Variants in HMGCLL1 observed in about 807,000 individuals in gnomAD.
The protein encoded by HMGCLL1 is 3-hydroxymethyl-3-methylglutaryl-CoA lyase, cytoplasmic.
Under a neutral mutation model 39.1 loss-of-function variants are expected in HMGCLL1, and 36 were observed. That is an observed-to-expected ratio of 0.92 (90% CI 0.71 to 1.22). HMGCLL1 has a LOEUF of 1.22. Among genes scored for constraint, HMGCLL1 ranks in the 50% most tolerant of loss-of-function variants. The pLI is 0.00. For synonymous variants in HMGCLL1, 149 were observed against 144.0 expected (o/e 1.03, Z -0.25); for missense variants, 451 against 416.5 (o/e 1.08, Z -0.72).
intron 7 of HMGCLL1, among the ~76,000 whole-genome samples, chr6:55,489,471 C>T (rs1174515835): frequency 1.3e-5 from 2 of 150,828 alleles, no homozygotes; most frequent in Non-Finnish European, 3.0e-5. Context: ...AAATTTAAGC[C>T]CCCAAAAGAA....
intron 5 of HMGCLL1, among the ~76,000 whole-genome samples, chr6:55,500,702 GT>G (rs1166532633): frequency 6.6e-6 from 1 of 151,944 alleles, no homozygotes; most frequent in Admixed American, 6.6e-5. Flanking sequence ...TATAATCTAA[GT>G]TTATGCTTTA....
At chr6:55,675,367 T>C in the HMGCLL1 span, among the ~76,000 whole-genome samples, 126 of 152,266 alleles carry the variant, frequency 8.3e-4, no homozygotes, top group African/African-American at 2.9e-3. Flanking sequence ...AGAAGTACTA[T>C]TCAAACATGC....
At chr6:55,632,999 C>T in the HMGCLL1 span, among the ~76,000 whole-genome samples, 5 of 152,104 alleles carry the variant, frequency 3.3e-5, no homozygotes, top group African/African-American at 4.8e-5. Flanking sequence ...GTTTGACCCT[C>T]CAGATTGGCA....
chr6:55,579,891 C>T (rs926119492), upstream of HMGCLL1, among the ~76,000 whole-genome samples: 6 of 152,234 alleles, frequency 3.9e-5, no homozygotes, highest in Admixed American at 2.6e-4. Flanking sequence ...AAATAGCCTT[C>T]GAGCAGACCA....
chr6:55,624,192 G>C, the HMGCLL1 span, among the ~76,000 whole-genome samples: 1 of 152,132 alleles, frequency 6.6e-6, no homozygotes, highest in Non-Finnish European at 1.5e-5. Flanking sequence ...GGACTTGAAA[G>C]ATCCAGGAGT....
chr6:55,611,926 T>C, the HMGCLL1 span, among the ~76,000 whole-genome samples: 26 of 152,234 alleles, frequency 1.7e-4, no homozygotes, highest in Non-Finnish European at 3.2e-4. Flanking sequence ...ACCACTCCTA[T>C]TCAACATAGT....
rs540574403 is a variant in HMGCLL1, at chr6:55,478,277, A to T, written c.795+17142T>A. On this transcript the variant is annotated intron_variant, in intron 7 of 8. Transcript: ENST00000274901. ...CTCTCCGTATGACATCAAAAATAAG[A>T]TACTGTGAAATGGCTCATGAAGGAA... Among the ~76,000 whole-genome samples, 134 of 151,430 alleles carry T rather than the reference A, an allele frequency of 8.8e-4. 3 individuals carry two copies. The South Asian group carries it at 0.021, about 24-fold the overall frequency.
At chr6:55,469,503 T>C (rs560419255) in intron 7 of HMGCLL1, among the ~76,000 whole-genome samples, 13 of 149,668 alleles carry the variant, frequency 8.7e-5, no homozygotes, top group African/African-American at 3.2e-4. Context: ...ATGAAGTTAG[T>C]TATCTTGATT....
At chr6:55,639,309 G>A in the HMGCLL1 span, among the ~76,000 whole-genome samples, 1 of 151,394 alleles carries the variant, frequency 6.6e-6, no homozygotes, top group Non-Finnish European at 1.5e-5. Context: ...AACATTTAGT[G>A]AGCACTTATT....
chr6:55,457,876 C>A (rs1764392607), intron 7 of HMGCLL1, among the ~76,000 whole-genome samples: 1 of 152,062 alleles, frequency 6.6e-6, no homozygotes, highest in Non-Finnish European at 1.5e-5. Flanking sequence ...GCCAGTGCAC[C>A]AGAATACGAA....
At chr6:55,478,705 T>C (rs928756864) in intron 7 of HMGCLL1, among the ~76,000 whole-genome samples, 2 of 151,338 alleles carry the variant, frequency 1.3e-5, no homozygotes, top group Admixed American at 6.6e-5. Flanking sequence ...AGCAAAACAC[T>C]CAAATCTTTA....
the HMGCLL1 span, among the ~76,000 whole-genome samples, chr6:55,646,435 G>A: frequency 6.6e-6 from 1 of 151,120 alleles, no homozygotes; most frequent in African/African-American, 2.4e-5. Context: ...TCCTAATTTT[G>A]GGTTTCGTTT....
At chr6:55,617,211 G>T in the HMGCLL1 span, among the ~76,000 whole-genome samples, 15 of 152,032 alleles carry the variant, frequency 9.9e-5, no homozygotes, top group African/African-American at 3.6e-4. Context: ...ATGATGTCCT[G>T]TCTTGCTTGT....
chr6:55,626,441 G>C, the HMGCLL1 span, among the ~76,000 whole-genome samples: 10 of 152,070 alleles, frequency 6.6e-5, no homozygotes, highest in African/African-American at 1.7e-4. Flanking sequence ...TAGAACTGTG[G>C]AATGGCTTTT....
chr6:55,634,502 A>G, the HMGCLL1 span, among the ~76,000 whole-genome samples: 1 of 152,146 alleles, frequency 6.6e-6, no homozygotes. Flanking sequence ...GACTTGAAAG[A>G]TCTTAACCTG....
chr6:55,642,074 A>G, the HMGCLL1 span, among the ~76,000 whole-genome samples: 5 of 80,460 alleles, frequency 6.2e-5, no homozygotes, highest in Non-Finnish European at 9.1e-5. Context: ...CCACCCCACC[A>G]CAGTCCCCAG....
chr6:55,491,934 A>T (rs141845763), intron 7 of HMGCLL1, among the ~76,000 whole-genome samples: 1,549 of 152,198 alleles, frequency 0.01, 31 homozygotes, highest in African/African-American at 0.035. Context: ...GTAATAAAAA[A>T]AAAATAAAAC....
At chr6:55,625,816 C>T in the HMGCLL1 span, among the ~76,000 whole-genome samples, 1 of 152,124 alleles carries the variant, frequency 6.6e-6, no homozygotes, top group Non-Finnish European at 1.5e-5. Flanking sequence ...TGGTCAAAAA[C>T]TGTGAAGATA....
chr6:55,495,701 A>C, intron 6 of HMGCLL1, 94 bp from the exon 7 acceptor site: 1 of 790,486 alleles, frequency 1.3e-6, no homozygotes, highest in South Asian at 2.4e-5. Flanking sequence ...GGTAAAAATT[A>C]CAACTAATAC....
Sources: gnomAD v4.1 joint callset for allele counts (sites outside exome capture counted in the v4.1 genomes callset) on GRCh38, gnomAD v4.1.1 for gene constraint, MANE v1.5 for transcripts, NCBI Gene and HGNC (gene_info 2026-07-23, HGNC 2026-07-21) for gene names.